KMT2E: variants seen among roughly 807,000 people sequenced by gnomAD.
The protein encoded by KMT2E is lysine methyltransferase 2E (inactive), also known as histone reader KMT2E.
A neutral mutation model predicts 184.6 loss-of-function variants in KMT2E; 30 were observed. That is an observed-to-expected ratio of 0.16 (90% CI 0.12 to 0.22). The LOEUF is 0.22. KMT2E is among the 10% of genes least tolerant of loss of function. KMT2E has a pLI of 1.00. For missense variants in KMT2E, 2,023 were observed against 2,237.4 expected (o/e 0.90, Z 1.93); for synonymous variants, 815 against 776.5 (o/e 1.05, Z -0.82).
intron 3 of KMT2E, among the ~76,000 whole-genome samples, chr7:105,050,497 A>G (rs1225451698): frequency 6.6e-6 from 1 of 152,172 alleles, no homozygotes; most frequent in Non-Finnish European, 1.5e-5. Context: ...ATGTCCAGTC[A>G]TAATCTTCCT....
At chr7:105,019,200 A>T (rs757197380) in intron 1 of KMT2E, among the ~76,000 whole-genome samples, 4 of 152,184 alleles carry the variant, frequency 2.6e-5, no homozygotes, top group Non-Finnish European at 5.9e-5. Flanking sequence ...AGGATAAAAG[A>T]AGTTTTTATT....
At chr7:105,103,356 T>C (rs1178000430) in intron 17 of KMT2E, 1 of 152,156 alleles carries the variant, frequency 6.6e-6, no homozygotes, top group African/African-American at 2.4e-5. Context: ...TTTGACAGAG[T>C]ACCAAATTAT....
chr7:105,066,704 T>C (rs763945278), intron 5 of KMT2E, 23 bp from the exon 6 acceptor site: 3 of 1,550,474 alleles, frequency 1.9e-6, no homozygotes, highest in East Asian at 4.5e-5. Context: ...ATATTACATA[T>C]GTTCTGCTTT....
At chr7:105,030,769 T>G (rs1795377095) in intron 1 of KMT2E, among the ~76,000 whole-genome samples, 1 of 152,184 alleles carries the variant, frequency 6.6e-6, no homozygotes, top group African/African-American at 2.4e-5. Flanking sequence ...AAAGTAACAG[T>G]TGTGGATCTA....
chr7:105,023,561 C>T (rs1268706105), intron 1 of KMT2E, among the ~76,000 whole-genome samples: 1 of 151,416 alleles, frequency 6.6e-6, no homozygotes, highest in Non-Finnish European at 1.5e-5. Context: ...TCTCCTGCCT[C>T]AGCCTCCCTA....
Position 105,113,473 on chromosome 7 carries a change from A to AT in KMT2E, c.*145dup, listed in dbSNP as rs2129570318. Reference sequence around the variant, plus strand: ...AGTGCTCTTTCGTTGTATTTTTCTCATTTTTGCTTTTTAAAATTCCTTTAA... The same window carrying AT: ...AGTGCTCTTTCGTTGTATTTTTCTCATTTTTTGCTTTTTAAAATTCCTTTAA... On this transcript the variant is annotated 3_prime_UTR_variant, in exon 27 of 27. Coordinates refer to ENST00000311117, the MANE Select transcript of KMT2E (RefSeq NM_182931.3). The AT allele has an allele frequency of 2.0e-6, 2 of 993,608 alleles. No individual in the cohort carries two copies. Among genetic ancestry groups the AT allele is most frequent in the South Asian group, 4.2e-5 (2 of 47,364 alleles). 61.5% of individuals were successfully genotyped at this position (993,608 alleles called of 1,614,324 possible).
chr7:105,111,283 G>A (rs894331014), intron 26 of KMT2E: 1 of 167,126 alleles, frequency 6.0e-6, no homozygotes. Flanking sequence ...GTAAATCATT[G>A]GAAACTAAAG....
intron 13 of KMT2E, among the ~76,000 whole-genome samples, chr7:105,087,202 T>G (rs1329132563): frequency 2.7e-5 from 4 of 146,824 alleles, no homozygotes. Flanking sequence ...ATGCTATATA[T>G]ATGCTTATAT....
chr7:105,025,457 A>G (rs185383935), intron 1 of KMT2E, among the ~76,000 whole-genome samples: 1 of 152,270 alleles, frequency 6.6e-6, no homozygotes, highest in East Asian at 1.9e-4. Context: ...TGCTAAGGTG[A>G]TCACTATTTA....
chr7:105,053,115 C>T (rs1796414513), intron 3 of KMT2E, among the ~76,000 whole-genome samples: 2 of 152,098 alleles, frequency 1.3e-5, no homozygotes, highest in Non-Finnish European at 2.9e-5. Context: ...GGCATGATTT[C>T]AGTATATTGA....
intron 4 of KMT2E, among the ~76,000 whole-genome samples, chr7:105,062,918 A>G (rs958439440): frequency 6.6e-6 from 1 of 151,758 alleles, no homozygotes; most frequent in South Asian, 2.1e-4. Flanking sequence ...AAAAAACTAT[A>G]TTATATGTTT....
rs79827945 is a variant in KMT2E, at chr7:105,028,484, T to G, written c.-188-9642T>G. Among the ~76,000 whole-genome samples the G allele has an allele frequency of 1.6e-3, 243 of 150,864 alleles. 1 individual carries two copies. Among genetic ancestry groups the G allele is most frequent in the African/African-American group, 5.6e-3 (229 of 41,022 alleles). On this transcript the variant is annotated intron_variant, in intron 1 of 26. Transcript: ENST00000311117. ...CCCAGTCGAGACTGAGACATTTCTGTTTTCTTTTTCCTCTTTCTTGCTTTT... is the reference window on the plus strand; with the variant it reads ...CCCAGTCGAGACTGAGACATTTCTGGTTTCTTTTTCCTCTTTCTTGCTTTT...
intron 1 of KMT2E, among the ~76,000 whole-genome samples, chr7:105,021,098 C>A (rs1243185414): frequency 6.6e-6 from 1 of 152,178 alleles, no homozygotes; most frequent in Non-Finnish European, 1.5e-5. Context: ...CCCATTTCCT[C>A]TTTAATGAAG....
Position 105,106,515 on chromosome 7 carries a change from C to T in KMT2E, c.2597-7C>T, listed in dbSNP as rs1291928325. 2 of 1,599,692 alleles carry T rather than the reference C, an allele frequency of 1.3e-6. No homozygotes were observed. Among genetic ancestry groups the T allele is most frequent in the African/African-American group, 1.3e-5 (1 of 74,506 alleles). On this transcript the variant is annotated splice_region_variant and splice_polypyrimidine_tract_variant and intron_variant, in intron 19 of 26. Coordinates refer to ENST00000311117, the MANE Select transcript of KMT2E (RefSeq NM_182931.3). ...TAATTTCTTACAGATTATTATTTCA[C>T]CAACAGATTTAACTACACCACTAAA...
At position 105,080,289 on chromosome 7, in the gene KMT2E, G is replaced by A. The variant is rs557516181; in HGVS notation, c.1248+1326G>A. On this transcript the variant is annotated intron_variant, in intron 12 of 26. Transcript: ENST00000311117. ...AAATTTTTAATAATGTTATATTTTA[G>A]TGTGGAGTAGAAAATCGTGTTGGTT... 1.1e-4 allele frequency among the ~76,000 whole-genome samples: 16 copies of A among 152,120 alleles called. 1 individual carries two copies. In the South Asian group the frequency reaches 3.1e-3, roughly 30 times the overall value.
In KMT2E at chr7:105,112,343, A is replaced by C. The variant is rs1432304643; in HGVS notation, c.4587A>C (p.Ala1529=). ...AGACACCCTCAGGACAATCTTCAGC[A>C]ACATACAGTCAGTTTAACCAACAAA... The part of the protein sequence containing the change: ...FTQTPSGQSS[A]TYSQFNQQSL... Residue 1529 remains alanine (A), a synonymous_variant, in exon 27 of 27, where the codon GCA becomes GCC. Transcript: ENST00000311117. 1.9e-6 allele frequency: 3 copies of C among 1,613,500 alleles called. No homozygotes were observed. In the East Asian group the frequency reaches 6.7e-5, roughly 36 times the overall value.
At chr7:105,067,378 CT>C (rs1797075704) in intron 6 of KMT2E, among the ~76,000 whole-genome samples, 1 of 151,858 alleles carries the variant, frequency 6.6e-6, no homozygotes, top group African/African-American at 2.4e-5. Context: ...TATCATTCTT[CT>C]TGTTTGTAAT....
At chr7:105,022,076 C>A (rs1051776855) in intron 1 of KMT2E, among the ~76,000 whole-genome samples, 2 of 152,056 alleles carry the variant, frequency 1.3e-5, no homozygotes, top group African/African-American at 4.8e-5. Context: ...AGTACTAGCC[C>A]CCTTACAGCC....
At chr7:105,052,333 A>T (rs1232008241) in intron 3 of KMT2E, among the ~76,000 whole-genome samples, 1 of 152,156 alleles carries the variant, frequency 6.6e-6, no homozygotes, top group East Asian at 1.9e-4. Context: ...CATACTAGTG[A>T]GGCCTCCCCT....
Sources: gnomAD v4.1 joint callset for allele counts (sites outside exome capture counted in the v4.1 genomes callset) on GRCh38, gnomAD v4.1.1 for gene constraint, MANE v1.5 for transcripts, NCBI Gene and HGNC (gene_info 2026-07-23, HGNC 2026-07-21) for gene names.